Variants in COL26A1 observed in about 807,000 individuals in gnomAD.
The protein encoded by COL26A1 is collagen alpha-1(XXVI) chain.
COL26A1 carries 41 observed loss-of-function variants against 59.3 expected under a neutral mutation model. The observed-to-expected ratio is 0.69, with a 90% CI of 0.54 to 0.90. The LOEUF (loss-of-function observed/expected upper bound fraction) is 0.90, where lower values mean the gene tolerates loss of function less well. Among genes scored for constraint, COL26A1 ranks in the 40% least tolerant of loss-of-function variants. COL26A1 has a pLI of 0.00. For missense variants in COL26A1, 612 were observed against 602.3 expected, an observed-to-expected ratio of 1.02 and a Z score of -0.17; for synonymous variants, 266 against 256.0, an observed-to-expected ratio of 1.04 and a Z score of -0.37.
At chr7:101,389,546 T>A (rs1247155574) in intron 1 of COL26A1, among the ~76,000 whole-genome samples, 1 of 151,448 alleles carries the variant, frequency 6.6e-6, no homozygotes, top group African/African-American at 2.4e-5. Flanking sequence ...TGTCCAGCTA[T>A]TTTTTTTGTA....
chr7:101,385,811 T>G (rs1791560666), intron 1 of COL26A1, among the ~76,000 whole-genome samples: 1 of 151,110 alleles, frequency 6.6e-6, no homozygotes, highest in Admixed American at 6.6e-5. Flanking sequence ...TTCACGCCAT[T>G]CTCCTGCCTC....
At chr7:101,396,077 G>A (rs1791848790) in intron 1 of COL26A1, among the ~76,000 whole-genome samples, 1 of 152,074 alleles carries the variant, frequency 6.6e-6, no homozygotes, top group East Asian at 1.9e-4. Context: ...GGGCAACATA[G>A]TGAGATCCTG....
At chr7:101,458,498 C>T (rs539116304) in intron 3 of COL26A1, among the ~76,000 whole-genome samples, 9 of 151,978 alleles carry the variant, frequency 5.9e-5, no homozygotes, top group African/African-American at 1.9e-4. Flanking sequence ...ACTAGCCGGG[C>T]GTGGTGGTGC....
intron 1 of COL26A1, among the ~76,000 whole-genome samples, chr7:101,382,569 T>C (rs556987949): frequency 5.3e-5 from 8 of 152,366 alleles, no homozygotes; most frequent in Non-Finnish European, 1.2e-4. Flanking sequence ...AATTATTATA[T>C]CTTTATCATA....
chr7:101,439,910 C>T (rs867028986), intron 2 of COL26A1, among the ~76,000 whole-genome samples: 85 of 152,284 alleles, frequency 5.6e-4, no homozygotes, highest in Middle Eastern at 6.8e-3. Flanking sequence ...TTGACACTAC[C>T]ATGTGGCTGG....
At chr7:101,379,319 A>G (rs1584354193) in intron 1 of COL26A1, among the ~76,000 whole-genome samples, 1 of 152,198 alleles carries the variant, frequency 6.6e-6, no homozygotes, top group East Asian at 1.9e-4. Context: ...GACTCTGAAC[A>G]TGTGTGTCTA....
At chr7:101,366,915 G>T (rs992999951) in intron 1 of COL26A1, among the ~76,000 whole-genome samples, 2 of 152,142 alleles carry the variant, frequency 1.3e-5, no homozygotes, top group Non-Finnish European at 2.9e-5. Context: ...CCCTTTGAGA[G>T]AGTACTTTTT....
At chr7:101,453,916 G>A (rs1339017837) in intron 3 of COL26A1, among the ~76,000 whole-genome samples, 1 of 152,094 alleles carries the variant, frequency 6.6e-6, no homozygotes, top group Non-Finnish European at 1.5e-5. Context: ...CAGTTCAGTG[G>A]GTTTTGCTGT....
chr7:101,401,446 A>G (rs933874672), intron 1 of COL26A1, among the ~76,000 whole-genome samples: 19 of 151,820 alleles, frequency 1.3e-4, no homozygotes, highest in African/African-American at 4.1e-4. Flanking sequence ...AAGGAAGAGA[A>G]AGAGGAGAGA....
At chr7:101,376,740 T>C (rs10237610) in intron 1 of COL26A1, among the ~76,000 whole-genome samples, 119,304 of 152,148 alleles carry the variant, frequency 0.78, 47,179 homozygotes, top group Admixed American at 0.83. Flanking sequence ...TCAGCCACTT[T>C]GGGCGTCAGT....
intron 2 of COL26A1, among the ~76,000 whole-genome samples, chr7:101,433,314 G>A (rs1437896463): frequency 3.3e-5 from 5 of 152,098 alleles, no homozygotes; most frequent in Non-Finnish European, 5.9e-5. Context: ...ACCAGAGCCA[G>A]ACCCTGCATC....
chr7:101,419,873 C>T, intron 1 of COL26A1, 104 bp from the exon 2 acceptor site: 1 of 1,271,736 alleles, frequency 7.9e-7, no homozygotes. Context: ...CGAGCCTCCA[C>T]CCCAGGTTTG....
chr7:101,380,692 G>A (rs1253911761), intron 1 of COL26A1, among the ~76,000 whole-genome samples: 1 of 152,088 alleles, frequency 6.6e-6, no homozygotes, highest in Non-Finnish European at 1.5e-5. Flanking sequence ...ATCAGTCTTT[G>A]TGACTTTTGG....
chr7:101,515,766 A>G (rs1334553428), intron 3 of COL26A1, among the ~76,000 whole-genome samples: 1 of 148,784 alleles, frequency 6.7e-6, no homozygotes, highest in Non-Finnish European at 1.5e-5. Flanking sequence ...TTTTTGTATT[A>G]TTGGTAGAGA....
intron 3 of COL26A1, among the ~76,000 whole-genome samples, chr7:101,457,894 C>CTTT (rs747999760): frequency 2.6e-5 from 3 of 113,696 alleles, no homozygotes; most frequent in Admixed American, 9.2e-5. Flanking sequence ...TATAGCTTAA[C>CTTT]TTTTTTTTTT....
intron 3 of COL26A1, among the ~76,000 whole-genome samples, chr7:101,511,091 CAG>C (rs1002960464): frequency 9.2e-5 from 14 of 151,878 alleles, no homozygotes; most frequent in African/African-American, 3.1e-4. Flanking sequence ...TTAGTAGAGA[CAG>C]GGGTTTCACC....
intron 2 of COL26A1, among the ~76,000 whole-genome samples, chr7:101,444,418 T>TTC (rs962599449): frequency 4.5e-4 from 16 of 35,418 alleles, no homozygotes; most frequent in African/African-American, 9.9e-4. Context: ...TCCTTTCTTC[T>TTC]TTTTTTTTTT....
intron 1 of COL26A1, among the ~76,000 whole-genome samples, chr7:101,403,519 A>G (rs1000083583): frequency 6.8e-6 from 1 of 147,766 alleles, no homozygotes; most frequent in Non-Finnish European, 1.5e-5. Context: ...ACTCTGCTTC[A>G]ACAACAACAA....
At chr7:101,546,351 C>T (rs1795735501) in intron 7 of COL26A1, among the ~76,000 whole-genome samples, 1 of 152,202 alleles carries the variant, frequency 6.6e-6, no homozygotes, top group Non-Finnish European at 1.5e-5. Flanking sequence ...CCTCCCACCT[C>T]AGCCTCCTGA....
Sources: allele counts gnomAD v4.1 joint callset (sites outside exome capture counted in the v4.1 genomes callset), GRCh38; gene constraint gnomAD v4.1.1; transcripts MANE v1.5; gene names NCBI Gene and HGNC (gene_info 2026-07-23, HGNC 2026-07-21).